Variants in CRB1 observed in about 807,000 individuals in gnomAD.
The protein encoded by CRB1 is crumbs cell polarity complex component 1.
In CRB1, 83 loss-of-function variants were observed where a neutral mutation model predicts 120.0. The observed-to-expected ratio is 0.69, with a 90% confidence interval of 0.58 to 0.83. CRB1 has a LOEUF of 0.83. Among genes scored for constraint, CRB1 ranks in the 40% least tolerant of loss-of-function variants. CRB1 has a pLI of 0.00. For synonymous variants in CRB1, 625 were observed against 612.5 expected, an observed-to-expected ratio of 1.02 and a Z score of -0.30; for missense variants, 1,699 against 1,687.6, an observed-to-expected ratio of 1.01 and a Z score of -0.12.
At chr1:197,402,262 T>C (rs1345691384) in intron 5 of CRB1, among the ~76,000 whole-genome samples, 1 of 152,222 alleles carries the variant, frequency 6.6e-6, no homozygotes, top group East Asian at 1.9e-4. Context: ...TTTGCGTTCA[T>C]GAGTTCTCAT....
At chr1:197,347,993 A>C (rs1228991538) in intron 4 of CRB1, among the ~76,000 whole-genome samples, 1 of 152,260 alleles carries the variant, frequency 6.6e-6, no homozygotes, top group Non-Finnish European at 1.5e-5. Context: ...AATAGAAAAC[A>C]GTATGTAACA....
chr1:197,411,836 A>G (rs1356500720), intron 5 of CRB1, among the ~76,000 whole-genome samples: 1 of 152,182 alleles, frequency 6.6e-6, no homozygotes, highest in Non-Finnish European at 1.5e-5. Context: ...AACTTCTGTC[A>G]TGGGGGGCTG....
the CRB1 span, among the ~76,000 whole-genome samples, chr1:197,201,754 C>T: frequency 6.6e-6 from 1 of 152,212 alleles, no homozygotes; most frequent in Non-Finnish European, 1.5e-5. Context: ...CCCAGCTAAC[C>T]TACTGGCGTG....
the CRB1 span, chr1:197,222,497 C>G: frequency 3.9e-6 from 3 of 768,658 alleles, no homozygotes; most frequent in Middle Eastern, 3.6e-4. Context: ...TCATTTCATA[C>G]CCTTTGGAGA....
intron 1 of CRB1, among the ~76,000 whole-genome samples, chr1:197,321,749 A>T (rs1217913846): frequency 6.6e-6 from 1 of 152,226 alleles, no homozygotes; most frequent in Non-Finnish European, 1.5e-5. Context: ...GTTCAATTGT[A>T]TCTTAACAAT....
chr1:197,389,268 A>G (rs1031039232), intron 5 of CRB1, among the ~76,000 whole-genome samples: 6 of 152,180 alleles, frequency 3.9e-5, no homozygotes, highest in Non-Finnish European at 7.3e-5. Flanking sequence ...ACTCATGTCC[A>G]TCAATAGATG....
At chr1:197,347,549 T>C in intron 4 of CRB1, 70 bp downstream of exon 4, 1 of 1,475,518 alleles carries the variant, frequency 6.8e-7, no homozygotes, top group Non-Finnish European at 9.4e-7. Flanking sequence ...TTATAGCAAA[T>C]GAAATGAAAA....
intron 5 of CRB1, among the ~76,000 whole-genome samples, chr1:197,378,351 A>G (rs1470008562): frequency 1.3e-5 from 2 of 152,218 alleles, no homozygotes; most frequent in Non-Finnish European, 2.9e-5. Context: ...TGGGATTACT[A>G]TTACATTTTC....
At chr1:197,254,578 CA>C in the CRB1 span, among the ~76,000 whole-genome samples, 1 of 151,788 alleles carries the variant, frequency 6.6e-6, no homozygotes, top group Admixed American at 6.6e-5. Context: ...TGAGGAGAAG[CA>C]AAAAAGCTTC....
chr1:197,255,482 C>G, the CRB1 span, among the ~76,000 whole-genome samples: 1 of 151,984 alleles, frequency 6.6e-6, no homozygotes, highest in Admixed American at 6.6e-5. Flanking sequence ...TGATGTGAAT[C>G]TAGCCATGGA....
rs755915643 is a variant in CRB1, at chr1:197,438,670, A to G, written c.3873A>G (p.Gly1291=). ...GTATGTGCCGGCCAGGTTTTACTGG[A>G]GAATGGTGAGTCACATTAGAGCCTT... is the stretch of plus-strand genomic sequence containing the variant. The part of the protein sequence containing the change: ...LKCMCRPGFT[G]EWCEKDIDEC... The change falls in exon 10 of 12, where the codon GGA becomes GGG. Residue 1291 remains glycine, a synonymous_variant. Transcript: ENST00000367400. 1 of 1,611,964 alleles carries G rather than the reference A, an allele frequency of 6.2e-7. No homozygotes were observed. Among genetic ancestry groups the G allele is most frequent in the Admixed American group, 1.7e-5 (1 of 59,912 alleles).
chr1:197,267,184 G>A (rs1406889271), upstream of CRB1, among the ~76,000 whole-genome samples: 4 of 152,068 alleles, frequency 2.6e-5, no homozygotes, highest in Non-Finnish European at 5.9e-5. Context: ...AGTTAATAAT[G>A]CTTCTGTAAT....
intron 4 of CRB1, among the ~76,000 whole-genome samples, chr1:197,352,749 C>T (rs1660179175): frequency 6.6e-6 from 1 of 150,638 alleles, no homozygotes; most frequent in African/African-American, 2.4e-5. Context: ...GAGAAAGGCC[C>T]CAAGGGTCTT....
intron 1 of CRB1, among the ~76,000 whole-genome samples, chr1:197,319,259 T>A (rs1253710046): frequency 1.8e-4 from 9 of 49,048 alleles, no homozygotes; most frequent in East Asian, 1.2e-3. Context: ...CTGTCTCTAC[T>A]AAAAAAAAAA....
the CRB1 span, among the ~76,000 whole-genome samples, chr1:197,252,001 G>A: frequency 6.6e-6 from 1 of 151,942 alleles, no homozygotes; most frequent in Non-Finnish European, 1.5e-5. Context: ...ACTTATGGCA[G>A]TAGGACCTTT....
At chr1:197,407,964 C>T (rs774423011) in intron 5 of CRB1, among the ~76,000 whole-genome samples, 15 of 152,116 alleles carry the variant, frequency 9.9e-5, no homozygotes, top group Non-Finnish European at 1.6e-4. Context: ...AGACTGAATG[C>T]ATGTTCATTT....
At chr1:197,238,381 A>T in the CRB1 span, among the ~76,000 whole-genome samples, 1 of 152,220 alleles carries the variant, frequency 6.6e-6, no homozygotes, top group South Asian at 2.1e-4. Flanking sequence ...AGGTATCATT[A>T]TGCTTATCTC....
intron 5 of CRB1, among the ~76,000 whole-genome samples, chr1:197,365,021 A>G (rs1399424685): frequency 6.9e-6 from 1 of 144,030 alleles, no homozygotes; most frequent in Non-Finnish European, 1.6e-5. Context: ...AATTTAGCAG[A>G]CAATCACCTT....
chr1:197,433,897 GATGGAT>G (rs1455589895), intron 8 of CRB1, among the ~76,000 whole-genome samples: 4 of 152,014 alleles, frequency 2.6e-5, no homozygotes, highest in Non-Finnish European at 5.9e-5. Flanking sequence ...TTACAGATTT[GATGGAT>G]ATCTGAGGTA....
Sources: gnomAD v4.1 joint callset for allele counts (sites outside exome capture counted in the v4.1 genomes callset) on GRCh38, gnomAD v4.1.1 for gene constraint, MANE v1.5 for transcripts, NCBI Gene and HGNC (gene_info 2026-07-23, HGNC 2026-07-21) for gene names.